The following PTPRD variants were observed in gnomAD, a reference collection of about 807,000 sequenced individuals.
PTPRD encodes receptor-type tyrosine-protein phosphatase delta.
Under a neutral mutation model 214.5 loss-of-function variants are expected in PTPRD, and 34 were observed. The observed-to-expected ratio is 0.16, with a 90% CI of 0.12 to 0.21. The LOEUF (loss-of-function observed/expected upper bound fraction) is 0.21. Among genes scored for constraint, PTPRD ranks in the 10% least tolerant of loss-of-function variants. The pLI is 1.00. For missense variants in PTPRD, 2,545 were observed against 2,398.7 expected (o/e 1.06, Z -1.27); for synonymous variants, 1,128 against 845.7 (o/e 1.33, Z -5.79).
chr9:10,193,009 A>G (rs1441111485), intron 3 of PTPRD, among the ~76,000 whole-genome samples: 1 of 152,128 alleles, frequency 6.6e-6, no homozygotes, highest in Non-Finnish European at 1.5e-5. Context: ...TTCCTTGTAT[A>G]AAATCCAAAT....
chr9:8,457,159 C>G (rs1317018877), intron 33 of PTPRD, among the ~76,000 whole-genome samples: 2 of 152,112 alleles, frequency 1.3e-5, no homozygotes, highest in Non-Finnish European at 2.9e-5. Flanking sequence ...GGTCCACCCA[C>G]TAACTTTGTA....
At chr9:9,170,317 C>A (rs2099911975) in intron 10 of PTPRD, among the ~76,000 whole-genome samples, 1 of 151,974 alleles carries the variant, frequency 6.6e-6, no homozygotes, top group South Asian at 2.1e-4. Flanking sequence ...GTTCTTTGTC[C>A]TTCAAATTTT....
chr9:10,139,717 A>C (rs918135493), intron 3 of PTPRD, among the ~76,000 whole-genome samples: 3 of 151,970 alleles, frequency 2.0e-5, no homozygotes, highest in South Asian at 4.1e-4. Context: ...ACAGAATAGA[A>C]ATTACATGAA....
intron 3 of PTPRD, among the ~76,000 whole-genome samples, chr9:10,280,866 A>G (rs115780967): frequency 0.014 from 2,119 of 151,984 alleles, 53 homozygotes; most frequent in African/African-American, 0.049. Context: ...CCTCTCTCCT[A>G]GGCCTCCCAA....
chr9:9,993,626 AACTTT>A (rs139999069), intron 4 of PTPRD, among the ~76,000 whole-genome samples: 2,668 of 152,278 alleles, frequency 0.018, 91 homozygotes, highest in African/African-American at 0.061. Flanking sequence ...AAGTAAGACT[AACTTT>A]GGAGAGGAAG....
Position 9,402,223 on chromosome 9 carries a change from G to T in PTPRD, c.-236-4741C>A, listed in dbSNP as rs182411503. 1.2e-3 allele frequency among the ~76,000 whole-genome samples: 180 copies of T among 152,130 alleles called. 1 individual carries two copies. Among genetic ancestry groups the T allele is most frequent in the African/African-American group, 4.2e-3 (174 of 41,510 alleles). ...CTTGAAAAAAATATAGTACAGAAAT[G>T]TCCAGTGGCCAAAACTGAAGAAAAA... On this transcript the variant is annotated intron_variant, in intron 8 of 45. Coordinates refer to ENST00000381196, the MANE Select transcript of PTPRD (RefSeq NM_002839.4).
intron 11 of PTPRD, among the ~76,000 whole-genome samples, chr9:9,007,440 TCAATA>T (rs2099481502): frequency 6.7e-6 from 1 of 149,426 alleles, no homozygotes; most frequent in Admixed American, 6.9e-5. Context: ...AACTATACCT[TCAATA>T]CAAGTCCCTG....
Position 8,977,834 on chromosome 9 carries a change from G to T in PTPRD, c.-104+40863C>A, listed in dbSNP as rs551219984. On this transcript the variant is annotated intron_variant, in intron 11 of 45. Transcript: ENST00000381196. ...GAAATGAGGAGATATTTAGGGCTGGGAAAGACTGAGGGAGGTAGAAAATGT... is the reference window on the plus strand; with the variant it reads ...GAAATGAGGAGATATTTAGGGCTGGTAAAGACTGAGGGAGGTAGAAAATGT... Among the ~76,000 whole-genome samples, 3 of 152,160 alleles carry T rather than the reference G, an allele frequency of 2.0e-5. No individual in the cohort carries two copies. The South Asian group carries it at 6.2e-4, about 32-fold the overall frequency.
chr9:9,495,653 C>A (rs755066472), intron 8 of PTPRD, among the ~76,000 whole-genome samples: 1 of 152,138 alleles, frequency 6.6e-6, no homozygotes, highest in Non-Finnish European at 1.5e-5. Flanking sequence ...CCCGACTCCC[C>A]TCTCTGCTGA....
intron 3 of PTPRD, among the ~76,000 whole-genome samples, chr9:10,276,849 A>G (rs1215880472): frequency 2.0e-5 from 3 of 152,230 alleles, no homozygotes; most frequent in Non-Finnish European, 4.4e-5. Context: ...TGTTGGCCAG[A>G]TCACCATGAC....
intron 2 of PTPRD, among the ~76,000 whole-genome samples, chr9:10,504,196 G>A (rs1453373743): frequency 1.4e-5 from 2 of 146,210 alleles, no homozygotes; most frequent in African/African-American, 2.5e-5. Flanking sequence ...AGCCAAAGGC[G>A]GTAACTATTG....
chr9:8,977,509 A>G (rs978563253), intron 11 of PTPRD, among the ~76,000 whole-genome samples: 2 of 152,086 alleles, frequency 1.3e-5, no homozygotes, highest in Non-Finnish European at 2.9e-5. Flanking sequence ...TATTGAAACT[A>G]TCAATTCTTT....
At chr9:10,278,076 C>T (rs145734582) in intron 3 of PTPRD, among the ~76,000 whole-genome samples, 1,815 of 151,802 alleles carry the variant, frequency 0.012, 43 homozygotes, top group African/African-American at 0.042. Context: ...AGGAGAATGG[C>T]GTGAACTTGG....
intron 33 of PTPRD, 44 bp from the exon 34 acceptor site, chr9:8,449,881 T>C (rs1289157961): frequency 8.8e-6 from 14 of 1,582,732 alleles, no homozygotes; most frequent in Non-Finnish European, 1.2e-5. Flanking sequence ...GAAAAATCAA[T>C]TGAAACAGAT....
At chr9:9,993,335 T>C (rs1588402838) in intron 4 of PTPRD, among the ~76,000 whole-genome samples, 1 of 152,332 alleles carries the variant, frequency 6.6e-6, no homozygotes, top group East Asian at 1.9e-4. Flanking sequence ...AACATGTACA[T>C]CAAAGTGCGT....
intron 3 of PTPRD, among the ~76,000 whole-genome samples, chr9:10,085,356 G>A (rs562742870): frequency 1.3e-5 from 2 of 151,832 alleles, no homozygotes; most frequent in African/African-American, 4.8e-5. Context: ...AAATAATTTT[G>A]AATATAAGAG....
chr9:9,695,731 G>A (rs1177993827), intron 7 of PTPRD, among the ~76,000 whole-genome samples: 1 of 151,978 alleles, frequency 6.6e-6, no homozygotes, highest in Non-Finnish European at 1.5e-5. Context: ...AACCATTCTT[G>A]TATCCCTGGA....
chr9:9,900,644 T>TTTTTTTTTGTTTTTTTTG (rs369510362), intron 5 of PTPRD, among the ~76,000 whole-genome samples: 11,044 of 143,744 alleles, frequency 0.077, 590 homozygotes, highest in Middle Eastern at 0.17. Context: ...TTTTCAGGTT[T>TTTTTTTTTGTTTTTTTTG]TTTTTTTTTT....
chr9:10,446,089 T>A (rs1054008749), intron 2 of PTPRD, among the ~76,000 whole-genome samples: 1 of 152,012 alleles, frequency 6.6e-6, no homozygotes, highest in Non-Finnish European at 1.5e-5. Flanking sequence ...CAAGCCCACA[T>A]GTTCAGCCTC....
Sources: gnomAD v4.1 joint callset for allele counts (sites outside exome capture counted in the v4.1 genomes callset) on GRCh38, gnomAD v4.1.1 for gene constraint, MANE v1.5 for transcripts, NCBI Gene and HGNC (gene_info 2026-07-23, HGNC 2026-07-21) for gene names.